The following RGMA variants were observed in gnomAD, a reference collection of about 807,000 sequenced individuals.
RGMA encodes repulsive guidance molecule A.
A neutral mutation model predicts 23.2 loss-of-function variants in RGMA; 10 were observed. The ratio of observed to expected loss-of-function variants is 0.43; its 90% CI spans 0.27 to 0.73. The LOEUF is 0.73. Ranked by LOEUF, RGMA falls within the 30% of genes least tolerant of loss-of-function variation. The pLI is 0.20. For synonymous variants in RGMA, 308 were observed against 279.3 expected, an observed-to-expected ratio of 1.10 and a Z score of -1.03; for missense variants, 547 against 630.5, an observed-to-expected ratio of 0.87 and a Z score of 1.42.
intron 2 of RGMA, among the ~76,000 whole-genome samples, chr15:93,054,841 G>A (rs908009764): frequency 1.2e-4 from 18 of 152,186 alleles, no homozygotes; most frequent in African/African-American, 3.9e-4. Context: ...CTCTTGCCCT[G>A]CTGTCTTCAC....
chr15:93,055,635 C>T (rs961520169), intron 2 of RGMA, among the ~76,000 whole-genome samples: 1 of 152,246 alleles, frequency 6.6e-6, no homozygotes, highest in Non-Finnish European at 1.5e-5. Context: ...CACGGGTGGG[C>T]TCCAGCCTCT....
intron 3 of RGMA, among the ~76,000 whole-genome samples, chr15:93,048,011 C>G (rs1466997264): frequency 2.6e-5 from 4 of 152,264 alleles, no homozygotes; most frequent in Non-Finnish European, 5.9e-5. Flanking sequence ...GCCCGGAGGC[C>G]AGGGGTGCAG....
chr15:93,059,903 G>A (rs2055074688), intron 2 of RGMA, among the ~76,000 whole-genome samples: 2 of 152,180 alleles, frequency 1.3e-5, no homozygotes, highest in African/African-American at 2.4e-5. Context: ...GAACGTCCAT[G>A]GAAAGAAGGA....
At position 93,045,780 on chromosome 15, in the gene RGMA, T is replaced by A; in HGVS notation, c.646-75A>T. On this transcript the variant is annotated intron_variant, in intron 3 of 3. Transcript: ENST00000329082. This position sits in a 1 kb window ranked among gnomAD's most constrained non-coding sequence, Gnocchi z 6.9. ...GCACAGCCCCACACTTAAGATGCTC[T>A]AGACTGAGAGGAGGGCAGGAAGGAT... is the stretch of plus-strand genomic sequence containing the variant. 1.8e-6 allele frequency: 2 copies of A among 1,108,606 alleles called. No homozygotes were observed. The highest frequency in any genetic ancestry group is 2.7e-6 in the Non-Finnish European group (2 of 750,746). 68.7% of individuals were successfully genotyped at this position (1,108,606 alleles called of 1,614,324 possible).
intron 2 of RGMA, among the ~76,000 whole-genome samples, chr15:93,070,779 C>G (rs141412194): frequency 6.6e-6 from 1 of 152,210 alleles, no homozygotes; most frequent in African/African-American, 2.4e-5. Flanking sequence ...GCTATCAGTT[C>G]CATCGGCCAG....
In RGMA at chr15:93,038,569, G is replaced by GTTGTTGTTTTTTTTTT. The variant is rs1471553159; in HGVS notation, c.*6428_*6429insAAAAAAAAAACAACAA. 10 of 100,224 alleles carry GTTGTTGTTTTTTTTTT rather than the reference G, an allele frequency of 1.0e-4. No individual in the cohort carries two copies. The highest frequency in any genetic ancestry group is 2.9e-4 in the African/African-American group (9 of 30,862). 6.2% of individuals were successfully genotyped at this position (100,224 alleles called of 1,614,324 possible). A position where few individuals can be genotyped will look rare whatever the true frequency, so the allele number is the denominator to read the frequency against. On this transcript the variant is annotated 3_prime_UTR_variant, in exon 4 of 4. Transcript: ENST00000329082. ...GCCTTAATGAACGAAACTGTTAGTT[G>GTTGTTGTTTTTTTTTT]TTTTTTTTTTTTTTTTGAGACGGTG...
intron 2 of RGMA, among the ~76,000 whole-genome samples, chr15:93,063,356 C>T (rs1056766374): frequency 8.5e-5 from 13 of 152,230 alleles, no homozygotes; most frequent in African/African-American, 1.2e-4. Context: ...GTGAGACTCA[C>T]GCTGCCACCC....
intron 2 of RGMA, chr15:93,065,477 T>C: frequency 2.2e-6 from 1 of 460,484 alleles, no homozygotes; most frequent in South Asian, 2.1e-5. Context: ...GGTATTTTGA[T>C]GCCATGAATT....
intron 2 of RGMA, among the ~76,000 whole-genome samples, chr15:93,053,263 G>T (rs143259985): frequency 2.2e-4 from 34 of 152,342 alleles, no homozygotes; most frequent in African/African-American, 7.7e-4. Context: ...CCGTGCCCCA[G>T]AACTATGGCT....
chr15:93,065,963 G>A (rs1045603929), intron 2 of RGMA: 7 of 922,656 alleles, frequency 7.6e-6, no homozygotes, highest in Admixed American at 2.0e-5. Flanking sequence ...GGTGGGGGGC[G>A]CCGTCGTCTG....
chr15:93,049,037 C>T (rs2141802116), intron 3 of RGMA, among the ~76,000 whole-genome samples: 1 of 152,376 alleles, frequency 6.6e-6, no homozygotes, highest in African/African-American at 2.4e-5. Flanking sequence ...CTCTTCTTGG[C>T]ACCGGTGCCA....
At chr15:93,064,781 T>C (rs1017522441) in intron 2 of RGMA, among the ~76,000 whole-genome samples, 3 of 152,214 alleles carry the variant, frequency 2.0e-5, no homozygotes, top group African/African-American at 7.2e-5. Flanking sequence ...TGCCAGCTTG[T>C]CTTCCTGTGG....
intron 2 of RGMA, 55 bp from the exon 3 acceptor site, chr15:93,052,562 C>T: frequency 3.4e-6 from 5 of 1,485,056 alleles, no homozygotes; most frequent in Non-Finnish European, 4.5e-6. Flanking sequence ...ACCCCAGCTT[C>T]TGCTACCATC....
chr15:93,049,840 G>T (rs1017710145), intron 3 of RGMA, among the ~76,000 whole-genome samples: 1 of 152,360 alleles, frequency 6.6e-6, no homozygotes, highest in African/African-American at 2.4e-5. Flanking sequence ...AGGGGAAAGG[G>T]GAGTGGGTTC....
chr15:93,067,089 G>A (rs1407012596), intron 2 of RGMA, among the ~76,000 whole-genome samples: 1 of 152,230 alleles, frequency 6.6e-6, no homozygotes, highest in Non-Finnish European at 1.5e-5. Flanking sequence ...ACTTTGGAGA[G>A]AAGGATATAA....
chr15:93,088,885 A>T (rs1220842909), intron 1 of RGMA, 34 bp downstream of exon 1: 1 of 1,493,734 alleles, frequency 6.7e-7, no homozygotes. Flanking sequence ...GAGATGTCAG[A>T]GCCGGGTCTG....
intron 1 of RGMA, among the ~76,000 whole-genome samples, chr15:93,078,808 A>C (rs1344126189): frequency 6.6e-6 from 1 of 152,216 alleles, no homozygotes; most frequent in African/African-American, 2.4e-5. Flanking sequence ...ATCGTTTCTG[A>C]CAGTATTTTA....
At chr15:93,073,172 CCGCCCCCCGCG>C (rs1172618771) in intron 1 of RGMA, 141 bp from the exon 2 acceptor site, 1 of 1,238,518 alleles carries the variant, frequency 8.1e-7, no homozygotes, top group Admixed American at 4.4e-5. Context: ...CCTTCCCGCG[CCGCCCCCCGCG>C]CGCCCCTCCC....
At chr15:93,069,890 T>C (rs1220175276) in intron 2 of RGMA, among the ~76,000 whole-genome samples, 2 of 152,230 alleles carry the variant, frequency 1.3e-5, no homozygotes, top group African/African-American at 4.8e-5. Flanking sequence ...TGGAACTCTT[T>C]TCGAAAAAGT....
Sources: allele counts gnomAD v4.1 joint callset (sites outside exome capture counted in the v4.1 genomes callset), GRCh38; gene constraint gnomAD v4.1.1; non-coding constraint Gnocchi (gnomAD v3.1); transcripts MANE v1.5; gene names NCBI Gene and HGNC (gene_info 2026-07-23, HGNC 2026-07-21).